Variants in ARAP2 observed in about 807,000 individuals in gnomAD.
ARAP2 encodes arf-GAP with Rho-GAP domain, ANK repeat and PH domain-containing protein 2.
In ARAP2, 148 loss-of-function variants were observed where a neutral mutation model predicts 194.5. The observed-to-expected ratio is 0.76, with a 90% CI of 0.67 to 0.87. The LOEUF is 0.87. Ranked by LOEUF, ARAP2 falls within the 40% of genes least tolerant of loss-of-function variation. The pLI is 0.00. For synonymous variants in ARAP2, 695 were observed against 683.5 expected (o/e 1.02, Z -0.26); for missense variants, 2,128 against 1,989.7 (o/e 1.07, Z -1.32).
At chr4:36,005,646 A>G (rs1171772898) in intron 10 of ARAP2, 1 of 152,196 alleles carries the variant, frequency 6.6e-6, no homozygotes, top group Non-Finnish European at 1.5e-5. Context: ...TACATTTGCC[A>G]TAAACTGACC....
intron 27 of ARAP2, among the ~76,000 whole-genome samples, chr4:36,107,330 T>G: frequency 6.6e-6 from 1 of 151,978 alleles, no homozygotes; most frequent in East Asian, 1.9e-4. Context: ...AAACTATTAT[T>G]TCCAAAAACC....
chr4:36,211,184 T>A (rs750398627), intron 5 of ARAP2, among the ~76,000 whole-genome samples: 1 of 152,008 alleles, frequency 6.6e-6, no homozygotes. Context: ...TCTAATCAAC[T>A]CCAAGGACCC....
intron 26 of ARAP2, among the ~76,000 whole-genome samples, chr4:36,108,785 G>T (rs1719091088): frequency 6.6e-6 from 1 of 151,918 alleles, no homozygotes; most frequent in Admixed American, 6.6e-5. Context: ...ACATATGCTG[G>T]AATAAAGGAA....
Position 36,148,438 on chromosome 4 carries a change from T to G in ARAP2, c.2967A>C (p.Gln989His), listed in dbSNP as rs1172099037. 1.9e-6 allele frequency: 3 copies of G among 1,613,212 alleles called. No homozygotes were observed. The East Asian group carries it at 6.7e-5, about 36-fold the overall frequency. The stretch of plus-strand genomic sequence containing the variant: ...TTGCCTCTGTCCATTTTCTTTGAGC[T>G]TGAGATGTTTCAGCTCCAAATAAAA... ...RVFLFGAETS[Q>H]AQRKWTEAIA... The change falls in exon 17 of 33, where the codon CAA (glutamine) becomes CAC (histidine). Residue 989 changes from glutamine to histidine, a missense_variant. Gln to His is a conservative substitution (Grantham distance 24). Coordinates refer to ENST00000303965, the MANE Select transcript of ARAP2 (RefSeq NM_015230.4).
At chr4:36,233,752 A>G (rs986747503) in intron 1 of ARAP2, among the ~76,000 whole-genome samples, 3 of 152,238 alleles carry the variant, frequency 2.0e-5, no homozygotes, top group Non-Finnish European at 2.9e-5. Flanking sequence ...CCTAGCACGT[A>G]CTGATGCTTA....
chr4:36,167,229 T>C (rs1560577427), intron 9 of ARAP2, among the ~76,000 whole-genome samples, 182 bp from the exon 10 acceptor site: 1 of 152,142 alleles, frequency 6.6e-6, no homozygotes, highest in South Asian at 2.1e-4. Context: ...AGTTGGACTA[T>C]TGATAGCGTA....
intron 5 of ARAP2, among the ~76,000 whole-genome samples, chr4:36,033,025 T>C (rs769864212): frequency 1.4e-4 from 22 of 152,174 alleles, no homozygotes; most frequent in African/African-American, 3.6e-4. Flanking sequence ...TGTGGCTGCA[T>C]AGTATTCCAC....
chr4:36,207,759 CTTT>C (rs1331609705), intron 6 of ARAP2, among the ~76,000 whole-genome samples: 3 of 151,532 alleles, frequency 2.0e-5, no homozygotes, highest in African/African-American at 7.3e-5. Flanking sequence ...ATGTGCATGT[CTTT>C]AAGGGGGAAA....
upstream of ARAP2, among the ~76,000 whole-genome samples, chr4:36,244,741 A>C (rs560990194): frequency 5.3e-4 from 80 of 152,240 alleles, no homozygotes; most frequent in African/African-American, 1.8e-3. Context: ...CCAGAGCGAC[A>C]GGGGCATTAC....
At chr4:36,159,603 T>C (rs1578118274) in intron 13 of ARAP2, 98 bp from the exon 14 acceptor site, 2 of 1,083,398 alleles carry the variant, frequency 1.8e-6, no homozygotes, top group East Asian at 2.9e-5. Context: ...TGGGATAAAG[T>C]CTGTATTCCT....
chr4:36,227,797 T>C (rs1750654823), intron 2 of ARAP2, among the ~76,000 whole-genome samples: 1 of 152,174 alleles, frequency 6.6e-6, no homozygotes, highest in Admixed American at 6.5e-5. Context: ...ACTCCAACCC[T>C]GGAGAAAACC....
At chr4:36,095,480 C>T (rs1467932255) in intron 27 of ARAP2, among the ~76,000 whole-genome samples, 1 of 152,038 alleles carries the variant, frequency 6.6e-6, no homozygotes, top group Non-Finnish European at 1.5e-5. Context: ...TGAAGACTAG[C>T]AGAAATAAAT....
intron 2 of ARAP2, among the ~76,000 whole-genome samples, chr4:36,227,393 T>C (rs1299818070): frequency 6.6e-6 from 1 of 152,208 alleles, no homozygotes; most frequent in Non-Finnish European, 1.5e-5. Flanking sequence ...CTACTGGCAC[T>C]AGGGATGTCA....
chr4:36,179,666 T>G (rs1000932017), intron 8 of ARAP2, among the ~76,000 whole-genome samples: 1 of 152,148 alleles, frequency 6.6e-6, no homozygotes, highest in Non-Finnish European at 1.5e-5. Context: ...TAGTAAAAGC[T>G]TTCACAGGAT....
rs1403135107 is a variant in ARAP2 at position 36,229,568 on chromosome 4, C to T, written c.-82G>A. The T allele has an allele frequency of 9.1e-7, 1 of 1,093,386 alleles. No homozygotes were observed. The highest frequency in any genetic ancestry group is 1.3e-6 in the Non-Finnish European group (1 of 771,976). The allele number at this position is 1,093,386 out of a possible 1,614,324, so 67.7% of individuals were successfully genotyped here. A position where few individuals can be genotyped will look rare whatever the true frequency, so the allele number is the denominator to read the frequency against. ...ACAAGAAGATGTACTTCTCTACTGG[C>T]TTTTCCTCTATCAATTGTGACAGAA... On this transcript the variant is annotated 5_prime_UTR_variant, in exon 2 of 33. Transcript: ENST00000303965.
intron 6 of ARAP2, among the ~76,000 whole-genome samples, chr4:36,194,886 A>G (rs1328453503): frequency 6.6e-6 from 1 of 152,180 alleles, no homozygotes; most frequent in Non-Finnish European, 1.5e-5. Context: ...GAAAAAAAAT[A>G]TAAAATAAAA....
At chr4:36,128,504 ATAT>A (rs752161291) in intron 21 of ARAP2, 26 bp downstream of exon 21, 107 of 1,532,096 alleles carry the variant, frequency 7.0e-5, no homozygotes, top group Non-Finnish European at 8.7e-5. Flanking sequence ...ACACACACAC[ATAT>A]CTACAAATAT....
In ARAP2 at chr4:36,117,081, C is replaced by T. The variant is rs76239807; in HGVS notation, c.4018G>A (p.Asp1340Asn). 7.4e-4 allele frequency: 1,185 copies of T among 1,598,504 alleles called. 16 individuals carry two copies. The East Asian group carries it at 0.023, about 31-fold the overall frequency. ...IEVYVERKEP[D>N]CSIIIRISPV... ...CTTACCCGAATTATAATACTACAGTCGGGTTCCTTCCTTTCTACATATACT... is the reference window on the plus strand; with the variant it reads ...CTTACCCGAATTATAATACTACAGTTGGGTTCCTTCCTTTCTACATATACT... The change falls in exon 25 of 33, where the codon GAC becomes AAC. Residue 1340 changes from aspartate to asparagine, a missense_variant. By Grantham distance (23) the Asp-to-Asn change is conservative. Coordinates refer to ENST00000303965, the MANE Select transcript of ARAP2 (RefSeq NM_015230.4).
At chr4:36,238,053 C>G (rs1752759058) in intron 1 of ARAP2, among the ~76,000 whole-genome samples, 1 of 152,166 alleles carries the variant, frequency 6.6e-6, no homozygotes, top group South Asian at 2.1e-4. Flanking sequence ...AAGTATAAAA[C>G]TGGTTGTTTG....
Sources: allele counts gnomAD v4.1 joint callset (sites outside exome capture counted in the v4.1 genomes callset), GRCh38; gene constraint gnomAD v4.1.1; transcripts MANE v1.5; gene names NCBI Gene and HGNC (gene_info 2026-07-23, HGNC 2026-07-21).